Variants in SPOCK3 observed in about 807,000 individuals in gnomAD.
SPOCK3 encodes the protein testican-3.
SPOCK3 carries 30 observed loss-of-function variants against 56.6 expected under a neutral mutation model. The ratio of observed to expected loss-of-function variants is 0.53; its 90% CI spans 0.40 to 0.72. The LOEUF (loss-of-function observed/expected upper bound fraction) is 0.72, where lower values mean the gene tolerates loss of function less well. SPOCK3 is among the 30% of genes least tolerant of loss of function. The pLI is 0.00. For missense variants in SPOCK3, 527 were observed against 530.0 expected, an observed-to-expected ratio of 0.99 and a Z score of 0.06; for synonymous variants, 196 against 183.3, an observed-to-expected ratio of 1.07 and a Z score of -0.56.
At chr4:166,992,452 G>T (rs1416502340) in intron 4 of SPOCK3, among the ~76,000 whole-genome samples, 2 of 152,080 alleles carry the variant, frequency 1.3e-5, no homozygotes, top group Non-Finnish European at 2.9e-5. Flanking sequence ...TATAGAAATA[G>T]ACTGAATTGG....
At chr4:167,100,268 A>G (rs1759521290) in intron 2 of SPOCK3, among the ~76,000 whole-genome samples, 1 of 152,038 alleles carries the variant, frequency 6.6e-6, no homozygotes, top group Non-Finnish European at 1.5e-5. Context: ...TGACTGACTG[A>G]CCTAACCAGC....
chr4:167,185,548 G>A (rs1455155011), intron 2 of SPOCK3, among the ~76,000 whole-genome samples: 1 of 151,896 alleles, frequency 6.6e-6, no homozygotes, highest in Non-Finnish European at 1.5e-5. Flanking sequence ...GCTCTGCCAT[G>A]GCCATAAGTC....
chr4:167,025,846 G>A (rs921601637), intron 3 of SPOCK3, among the ~76,000 whole-genome samples: 3 of 151,992 alleles, frequency 2.0e-5, no homozygotes, highest in South Asian at 4.1e-4. Context: ...TGCAAACATC[G>A]TAGAGTGTAC....
chr4:167,157,278 C>T (rs1028074448), intron 2 of SPOCK3, among the ~76,000 whole-genome samples: 3 of 152,068 alleles, frequency 2.0e-5, no homozygotes, highest in Non-Finnish European at 4.4e-5. Flanking sequence ...CAAGCTCTGA[C>T]ATGGTCTAAG....
intron 6 of SPOCK3, among the ~76,000 whole-genome samples, chr4:166,857,989 A>C (rs890601094): frequency 1.3e-5 from 2 of 152,222 alleles, no homozygotes; most frequent in Non-Finnish European, 1.5e-5. Flanking sequence ...CAATTCTTTT[A>C]GCCAACATTT....
chr4:166,771,110 T>C (rs541944275), intron 7 of SPOCK3, among the ~76,000 whole-genome samples: 32 of 150,322 alleles, frequency 2.1e-4, no homozygotes, highest in Non-Finnish European at 4.3e-4. Flanking sequence ...GATAGCACTA[T>C]TCAAGAGCTC....
At chr4:167,083,257 C>T in intron 2 of SPOCK3, 1 of 765,354 alleles carries the variant, frequency 1.3e-6, no homozygotes. Flanking sequence ...CTCAGACTTT[C>T]CCTAAGATTC....
intron 6 of SPOCK3, among the ~76,000 whole-genome samples, chr4:166,830,740 G>A (rs561679697): frequency 6.6e-5 from 10 of 150,518 alleles, no homozygotes; most frequent in South Asian, 4.2e-4. Flanking sequence ...CTCCCTCCCC[G>A]CCCCGCTCGA....
chr4:166,918,998 T>C (rs1030023550), intron 4 of SPOCK3, among the ~76,000 whole-genome samples: 4 of 152,216 alleles, frequency 2.6e-5, no homozygotes, highest in African/African-American at 9.6e-5. Context: ...AATTCTGCTA[T>C]GAGTGGAAGC....
chr4:167,196,172 CA>C (rs1732932057), intron 2 of SPOCK3, among the ~76,000 whole-genome samples: 1 of 152,006 alleles, frequency 6.6e-6, no homozygotes, highest in African/African-American at 2.4e-5. Context: ...AAAAATATAC[CA>C]AAAGCTACTA....
At chr4:166,913,627 CT>C (rs1443671334) in intron 4 of SPOCK3, among the ~76,000 whole-genome samples, 1 of 151,830 alleles carries the variant, frequency 6.6e-6, no homozygotes, top group Non-Finnish European at 1.5e-5. Context: ...TTTTTGTTTT[CT>C]TTTCATGAAT....
chr4:167,192,385 G>A (rs768170898), intron 2 of SPOCK3, among the ~76,000 whole-genome samples: 3 of 145,690 alleles, frequency 2.1e-5, no homozygotes, highest in Non-Finnish European at 3.0e-5. Context: ...CATGCTTAGT[G>A]TAATTCACCT....
chr4:166,987,668 T>C (rs1256927715), intron 4 of SPOCK3, among the ~76,000 whole-genome samples: 3 of 152,172 alleles, frequency 2.0e-5, no homozygotes, highest in African/African-American at 7.2e-5. Context: ...TTTGGCAACA[T>C]AGAAGTTACC....
chr4:166,995,978 A>C (rs1748325652), intron 4 of SPOCK3, among the ~76,000 whole-genome samples: 1 of 152,160 alleles, frequency 6.6e-6, no homozygotes, highest in Non-Finnish European at 1.5e-5. Flanking sequence ...CACAAACGCC[A>C]TAGCTATTCA....
intron 2 of SPOCK3, among the ~76,000 whole-genome samples, chr4:167,145,554 G>C (rs1309899176): frequency 6.6e-6 from 1 of 152,020 alleles, no homozygotes; most frequent in African/African-American, 2.4e-5. Context: ...ATCTGAGATG[G>C]AGACGCCAGT....
intron 2 of SPOCK3, among the ~76,000 whole-genome samples, chr4:167,218,145 A>T (rs568797038): frequency 1.3e-5 from 2 of 152,280 alleles, no homozygotes; most frequent in African/African-American, 4.8e-5. Flanking sequence ...AACATGGCAC[A>T]TTTCTGAATA....
chr4:166,887,508 G>A lies in SPOCK3; in HGVS notation c.589+1622C>T, dbSNP rs116195347. On this transcript the variant is annotated intron_variant, in intron 6 of 10. Coordinates refer to ENST00000357545, the MANE Select transcript of SPOCK3 (RefSeq NM_001040159.2). Reference sequence around the variant, plus strand: ...TGTACTCCATCAGAAGTGGGAATGAGGAAGGCACAAACATCAAAGAATTTC... The same window carrying A: ...TGTACTCCATCAGAAGTGGGAATGAAGAAGGCACAAACATCAAAGAATTTC... 8.7e-3 allele frequency among the ~76,000 whole-genome samples: 1,325 copies of A among 152,194 alleles called. 11 individuals are homozygous for A. The highest frequency in any genetic ancestry group is 0.014 in the Non-Finnish European group (952 of 67,988).
chr4:166,941,038 GT>G (rs962262538), intron 4 of SPOCK3, among the ~76,000 whole-genome samples: 1 of 151,806 alleles, frequency 6.6e-6, no homozygotes, highest in African/African-American at 2.4e-5. Flanking sequence ...TTCTTTTGCT[GT>G]GCATCTCTTG....
chr4:166,992,556 T>A (rs566763815), intron 4 of SPOCK3, among the ~76,000 whole-genome samples: 1 of 152,288 alleles, frequency 6.6e-6, no homozygotes, highest in Non-Finnish European at 1.5e-5. Context: ...GAAAGGCACC[T>A]ACTACATATT....
Sources: allele counts gnomAD v4.1 joint callset (sites outside exome capture counted in the v4.1 genomes callset), GRCh38; gene constraint gnomAD v4.1.1; transcripts MANE v1.5; gene names NCBI Gene and HGNC (gene_info 2026-07-23, HGNC 2026-07-21).